Variants in FCHSD2 observed in about 807,000 individuals in gnomAD.
FCHSD2 encodes the protein F-BAR and double SH3 domains protein 2.
Under a neutral mutation model 108.1 loss-of-function variants are expected in FCHSD2, and 38 were observed. The observed-to-expected ratio is 0.35, with a 90% CI of 0.27 to 0.46. FCHSD2 has a LOEUF of 0.46. Ranked by LOEUF, FCHSD2 falls within the 20% of genes least tolerant of loss-of-function variation. FCHSD2 has a pLI of 1.00. For missense variants in FCHSD2, 751 were observed against 897.8 expected (o/e 0.84, Z 2.09); for synonymous variants, 279 against 314.7 (o/e 0.89, Z 1.20).
chr11:73,015,504 A>C (rs887346831), intron 4 of FCHSD2, among the ~76,000 whole-genome samples: 2 of 152,132 alleles, frequency 1.3e-5, no homozygotes, highest in African/African-American at 4.8e-5. Context: ...TAGGTCACTC[A>C]GCAATTTGTG....
intron 5 of FCHSD2, among the ~76,000 whole-genome samples, chr11:72,993,033 A>G (rs1307325062): frequency 1.3e-5 from 2 of 152,230 alleles, no homozygotes; most frequent in African/African-American, 4.8e-5. Flanking sequence ...AATAACCAGA[A>G]TCTACAATGA....
At chr11:73,139,985 T>C (rs1299446138) in intron 2 of FCHSD2, 46 bp downstream of exon 2, 1 of 1,104,918 alleles carries the variant, frequency 9.1e-7, no homozygotes, top group Non-Finnish European at 1.3e-6. Flanking sequence ...AAAGGTTCTT[T>C]GAAACAGACA....
rs554726294 is a variant in FCHSD2 at position 72,867,904 on chromosome 11, G to A, written c.1269C>T (p.Ala423=). The change falls in exon 13 of 20, where the codon GCC becomes GCT. Residue 423 remains alanine, a synonymous_variant. Coordinates refer to ENST00000409418, the MANE Select transcript of FCHSD2 (RefSeq NM_014824.3). The stretch of plus-strand genomic sequence containing the variant: ...CATTACTGGTCACTGCAGGAGGGCG[G>A]GCCCATCGCTCATTTTCCAGTTCTT... ...VMEELENERW[A]RPPAVTSNGT... 1.2e-6 allele frequency: 2 copies of A among 1,612,418 alleles called. No homozygotes were observed. The highest frequency in any genetic ancestry group is 1.3e-5 in the African/African-American group (1 of 75,010).
At chr11:73,101,343 A>G (rs903613354) in intron 2 of FCHSD2, among the ~76,000 whole-genome samples, 2 of 152,186 alleles carry the variant, frequency 1.3e-5, no homozygotes, top group Admixed American at 1.3e-4. Context: ...TCACTAAAAC[A>G]TTGTAAATCT....
At chr11:73,011,540 T>C in intron 4 of FCHSD2, among the ~76,000 whole-genome samples, 1 of 152,316 alleles carries the variant, frequency 6.6e-6, no homozygotes, top group East Asian at 1.9e-4. Context: ...CCCAGGACAG[T>C]GCACAGTCTG....
At chr11:73,010,749 A>G (rs1023889798) in intron 4 of FCHSD2, among the ~76,000 whole-genome samples, 10 of 152,216 alleles carry the variant, frequency 6.6e-5, no homozygotes, top group Non-Finnish European at 2.9e-5. Flanking sequence ...GGCACCAGGT[A>G]GGCCAGTCTT....
chr11:73,051,073 T>C (rs1858887628), intron 3 of FCHSD2, among the ~76,000 whole-genome samples: 1 of 152,230 alleles, frequency 6.6e-6, no homozygotes, highest in African/African-American at 2.4e-5. Flanking sequence ...CCCAACATTT[T>C]GGGAGGCCAA....
intron 2 of FCHSD2, among the ~76,000 whole-genome samples, chr11:73,097,798 G>A (rs745609042): frequency 4.6e-5 from 7 of 151,878 alleles, no homozygotes; most frequent in Non-Finnish European, 8.8e-5. Context: ...GTTTCTGTAA[G>A]GTAGTAGTAT....
intron 5 of FCHSD2, among the ~76,000 whole-genome samples, chr11:72,995,262 C>T (rs920135703): frequency 6.6e-6 from 1 of 152,080 alleles, no homozygotes. Flanking sequence ...TGTAATAGTA[C>T]TTATCAAATA....
chr11:73,131,602 G>C (rs1284978426), intron 2 of FCHSD2, among the ~76,000 whole-genome samples: 1 of 151,756 alleles, frequency 6.6e-6, no homozygotes, highest in Non-Finnish European at 1.5e-5. Flanking sequence ...TACTCGGGAG[G>C]CTGAGGCACA....
At chr11:72,864,007 T>TACCCTTATCTC (rs1311445758) in intron 13 of FCHSD2, among the ~76,000 whole-genome samples, 1 of 152,218 alleles carries the variant, frequency 6.6e-6, no homozygotes, top group Non-Finnish European at 1.5e-5. Context: ...CTCCTTATCT[T>TACCCTTATCTC]ACCCTTATCT....
intron 8 of FCHSD2, chr11:72,940,935 T>C: frequency 1.3e-6 from 1 of 786,066 alleles, no homozygotes; most frequent in Non-Finnish European, 2.3e-6. Flanking sequence ...GAAGAAATCC[T>C]GACACCCAAT....
At chr11:73,103,741 T>C (rs1397579815) in intron 2 of FCHSD2, among the ~76,000 whole-genome samples, 1 of 152,214 alleles carries the variant, frequency 6.6e-6, no homozygotes, top group Non-Finnish European at 1.5e-5. Context: ...AAAAGAGGAT[T>C]ATCAATCAGC....
chr11:73,140,827 C>CT (rs1554973242), intron 1 of FCHSD2, among the ~76,000 whole-genome samples: 10 of 152,210 alleles, frequency 6.6e-5, no homozygotes, highest in African/African-American at 2.4e-4. Context: ...CCCGCCAGGC[C>CT]GGGGCCCCAG....
At chr11:72,980,133 T>G (rs1591453221) in intron 8 of FCHSD2, among the ~76,000 whole-genome samples, 1 of 152,194 alleles carries the variant, frequency 6.6e-6, no homozygotes, top group African/African-American at 2.4e-5. Context: ...TCCAACGGTT[T>G]CTATCGTCTC....
intron 5 of FCHSD2, among the ~76,000 whole-genome samples, chr11:72,992,069 G>C (rs1365483474): frequency 6.6e-6 from 1 of 152,124 alleles, no homozygotes; most frequent in Non-Finnish European, 1.5e-5. Flanking sequence ...AAAGTCTCAG[G>C]ATACAAAATC....
chr11:72,940,680 A>G, intron 8 of FCHSD2: 1 of 1,163,280 alleles, frequency 8.6e-7, no homozygotes, highest in Non-Finnish European at 1.3e-6. Context: ...GTTACATTAT[A>G]TATAGGATTC....
chr11:72,865,313 T>C (rs1854696936), intron 13 of FCHSD2, among the ~76,000 whole-genome samples: 1 of 152,186 alleles, frequency 6.6e-6, no homozygotes, highest in Admixed American at 6.5e-5. Flanking sequence ...ATTAAATAAA[T>C]ATAGGTCCTC....
chr11:72,969,938 TGTCTGTG>T (rs1856978855), intron 8 of FCHSD2, among the ~76,000 whole-genome samples: 3 of 152,200 alleles, frequency 2.0e-5, no homozygotes, highest in Admixed American at 1.3e-4. Flanking sequence ...GAAAAAGACT[TGTCTGTG>T]GCCAGGGACT....
Sources: allele counts gnomAD v4.1 joint callset (sites outside exome capture counted in the v4.1 genomes callset), GRCh38; gene constraint gnomAD v4.1.1; transcripts MANE v1.5; gene names NCBI Gene and HGNC (gene_info 2026-07-23, HGNC 2026-07-21).